DLC1: variants seen among roughly 807,000 people sequenced by gnomAD.
DLC1 encodes DLC1 Rho GTPase activating protein.
A neutral mutation model predicts 140.3 loss-of-function variants in DLC1; 54 were observed. The ratio of observed to expected loss-of-function variants is 0.38; its 90% CI spans 0.31 to 0.48. The LOEUF (loss-of-function observed/expected upper bound fraction) is 0.48, where lower values mean the gene tolerates loss of function less well. DLC1 is among the 20% of genes least tolerant of loss of function. The probability of loss-of-function intolerance (pLI) is 0.96; values close to 1 mark genes in which losing one functional copy is unlikely to be tolerated. For synonymous variants in DLC1, 986 were observed against 728.1 expected, an observed-to-expected ratio of 1.35 and a Z score of -5.70; for missense variants, 2,536 against 1,907.0, an observed-to-expected ratio of 1.33 and a Z score of -6.14.
intron 5 of DLC1, among the ~76,000 whole-genome samples, chr8:13,198,053 T>C (rs1412649464): frequency 6.6e-6 from 1 of 151,002 alleles, no homozygotes; most frequent in African/African-American, 2.4e-5. Flanking sequence ...TCAAAGTTGC[T>C]CAGTCCCGGC....
At chr8:13,143,292 T>G (rs1458822890) in intron 5 of DLC1, among the ~76,000 whole-genome samples, 1 of 152,222 alleles carries the variant, frequency 6.6e-6, no homozygotes, top group Non-Finnish European at 1.5e-5. Context: ...TGTTGTGCTC[T>G]GAAAACATGT....
chr8:13,100,263 A>T lies in DLC1; in HGVS notation c.2074T>A (p.Leu692Met), dbSNP rs768363611. ...SKHKAPSKLG[L>M]IISGPILQEG... ...TGCAAGATGGGCCCGCTGATGATCA[A>T]CCCCAGCTTTGAGGGCGCTTTGTGC... Residue 692 changes from leucine to methionine, a missense_variant, in exon 9 of 18, where the codon TTG becomes ATG. Transcript: ENST00000276297. 3 of 1,614,076 alleles carry T rather than the reference A, an allele frequency of 1.9e-6. No homozygotes were observed. The highest frequency in any genetic ancestry group is 1.7e-6 in the Non-Finnish European group (2 of 1,180,014).
chr8:13,152,284 A>C (rs974641210), intron 5 of DLC1, among the ~76,000 whole-genome samples: 2 of 152,232 alleles, frequency 1.3e-5, no homozygotes, highest in Non-Finnish European at 2.9e-5. Flanking sequence ...GGTGGTTAAC[A>C]ACTTTGCATG....
rs539482163 is a variant in DLC1, at chr8:13,600,543, T to C, written c.-126+3994A>G. On this transcript the variant is annotated intron_variant, in intron 1 of 1. Transcript: ENST00000631382. ...TACTAGCACGGTTCTCCAGCAGTCATCTTCACCCAAATCACAATGTGGTAC... is the reference window on the plus strand; with the variant it reads ...TACTAGCACGGTTCTCCAGCAGTCACCTTCACCCAAATCACAATGTGGTAC... Among the ~76,000 whole-genome samples the C allele has an allele frequency of 5.9e-4, 90 of 152,020 alleles. 1 individual carries two copies. The highest frequency in any genetic ancestry group is 2.1e-3 in the African/African-American group (87 of 41,526).
intron 4 of DLC1, among the ~76,000 whole-genome samples, chr8:13,368,609 G>T (rs1671412): frequency 6.6e-6 from 1 of 151,648 alleles, no homozygotes; most frequent in Admixed American, 6.6e-5. Context: ...TTGAGCCACA[G>T]TTATTTGTAC....
At chr8:13,487,101 T>A (rs1411084457) in intron 2 of DLC1, among the ~76,000 whole-genome samples, 2 of 152,164 alleles carry the variant, frequency 1.3e-5, no homozygotes, top group Non-Finnish European at 2.9e-5. Flanking sequence ...GCACAATTAG[T>A]CGACTTACTA....
chr8:13,263,555 T>TAG (rs1251199972), intron 5 of DLC1, among the ~76,000 whole-genome samples: 1 of 151,242 alleles, frequency 6.6e-6, no homozygotes, highest in Admixed American at 6.6e-5. Flanking sequence ...ATTCGTCATA[T>TAG]ATTTATATAT....
intron 3 of DLC1, among the ~76,000 whole-genome samples, chr8:13,400,426 A>G (rs289581): frequency 0.86 from 131,119 of 152,214 alleles, 56,556 homozygotes; most frequent in East Asian, 0.98. Context: ...TATAATGCTG[A>G]CATTTGAACT....
At chr8:13,371,583 C>T (rs1037393585) in intron 4 of DLC1, among the ~76,000 whole-genome samples, 3 of 147,284 alleles carry the variant, frequency 2.0e-5, no homozygotes, top group African/African-American at 7.5e-5. Context: ...CTCACAATGA[C>T]TTTTTTTTTT....
chr8:13,385,307 A>G (rs1047898603), intron 4 of DLC1, among the ~76,000 whole-genome samples: 8 of 152,226 alleles, frequency 5.3e-5, no homozygotes, highest in African/African-American at 1.2e-4. Flanking sequence ...TACAGTAAAG[A>G]GGAAACAATT....
intron 2 of DLC1, among the ~76,000 whole-genome samples, chr8:13,425,789 T>G (rs1838547251): frequency 1.3e-5 from 2 of 152,148 alleles, no homozygotes; most frequent in South Asian, 4.1e-4. Context: ...AATTTTTATT[T>G]TTGGGGTGAT....
chr8:13,303,568 G>A (rs1206005063), intron 5 of DLC1, among the ~76,000 whole-genome samples: 2 of 152,092 alleles, frequency 1.3e-5, no homozygotes, highest in African/African-American at 4.8e-5. Context: ...TTGGGAGGCC[G>A]AGGCGGGCGG....
At chr8:13,168,173 G>A (rs557798326) in intron 5 of DLC1, among the ~76,000 whole-genome samples, 2 of 152,196 alleles carry the variant, frequency 1.3e-5, no homozygotes, top group South Asian at 2.1e-4. Flanking sequence ...GACATAAAAC[G>A]TCTATCTCTA....
chr8:13,560,717 GA>G (rs1222326844), intron 1 of DLC1, among the ~76,000 whole-genome samples: 1 of 152,148 alleles, frequency 6.6e-6, no homozygotes, highest in Non-Finnish European at 1.5e-5. Flanking sequence ...AAATCAGGTT[GA>G]AATGAAGCCA....
At chr8:13,398,775 G>A (rs1053685102) in intron 3 of DLC1, among the ~76,000 whole-genome samples, 4 of 152,286 alleles carry the variant, frequency 2.6e-5, no homozygotes, top group East Asian at 3.9e-4. Flanking sequence ...GGGAAGGAAT[G>A]GAGATGAGGA....
At chr8:13,140,328 G>C (rs948439470) in intron 5 of DLC1, among the ~76,000 whole-genome samples, 2 of 152,080 alleles carry the variant, frequency 1.3e-5, no homozygotes, top group Non-Finnish European at 2.9e-5. Context: ...AAACTCCTGG[G>C]CTCAAGTGAT....
chr8:13,163,509 C>T (rs548972685), intron 5 of DLC1, among the ~76,000 whole-genome samples: 1 of 152,110 alleles, frequency 6.6e-6, no homozygotes, highest in Non-Finnish European at 1.5e-5. Context: ...CAACGAAGTG[C>T]CTGTGACAAC....
intron 1 of DLC1, among the ~76,000 whole-genome samples, chr8:13,561,936 T>C (rs1179599212): frequency 6.6e-6 from 1 of 152,126 alleles, no homozygotes; most frequent in Non-Finnish European, 1.5e-5. Flanking sequence ...AGAGGCTATC[T>C]TAACTTATAG....
intron 2 of DLC1, among the ~76,000 whole-genome samples, chr8:13,406,403 C>T (rs1837563436): frequency 6.6e-6 from 1 of 151,990 alleles, no homozygotes; most frequent in East Asian, 1.9e-4. Context: ...TCAGAGGAAG[C>T]AACCTATTTC....
Sources: allele counts gnomAD v4.1 joint callset (sites outside exome capture counted in the v4.1 genomes callset), GRCh38; gene constraint gnomAD v4.1.1; transcripts MANE v1.5; gene names NCBI Gene and HGNC (gene_info 2026-07-23, HGNC 2026-07-21).